SLC4A4: variants seen among roughly 807,000 people sequenced by gnomAD.
SLC4A4 encodes solute carrier family 4 member 4.
SLC4A4 carries 27 observed loss-of-function variants against 111.5 expected under a neutral mutation model. The ratio of observed to expected loss-of-function variants is 0.24; its 90% confidence interval spans 0.18 to 0.33. The LOEUF (loss-of-function observed/expected upper bound fraction) is 0.33. SLC4A4 is among the 10% of genes least tolerant of loss of function. SLC4A4 has a pLI of 1.00. For synonymous variants in SLC4A4, 443 were observed against 463.4 expected (o/e 0.96, Z 0.57); for missense variants, 909 against 1,315.5 (o/e 0.69, Z 4.78).
Position 71,447,689 on chromosome 4 carries a change from T to C in SLC4A4, c.1009T>C (p.Tyr337His), listed in dbSNP as rs1295526653. The C allele has an allele frequency of 6.2e-7, 1 of 1,613,182 alleles. No individual in the cohort carries two copies. Among genetic ancestry groups the C allele is most frequent in the Non-Finnish European group, 8.5e-7 (1 of 1,179,414 alleles). ...AGGTCCTAAGGGGAAAGCCAAGTCC[T>C]ACCACGAGATTGGCAGAGCCATTGC... The part of the protein sequence containing the change: ...LLGPKGKAKS[Y>H]HEIGRAIATL... Residue 337 changes from tyrosine to histidine, a missense_variant, in exon 9 of 26, where the codon TAC (tyrosine) becomes CAC (histidine). By Grantham distance (83) the Tyr-to-His change is moderately conservative. This residue lies in a region of SLC4A4 where 312 missense variants were observed against 402.0 expected (regional missense o/e 0.78). Transcript: ENST00000264485.
chr4:71,352,067 A>G (rs766978819), intron 5 of SLC4A4, among the ~76,000 whole-genome samples: 2 of 152,098 alleles, frequency 1.3e-5, no homozygotes, highest in South Asian at 2.1e-4. Context: ...AGAAAGAATT[A>G]TTTTCTGGGC....
At chr4:71,472,365 G>A (rs1444090692) in intron 13 of SLC4A4, among the ~76,000 whole-genome samples, 1 of 151,842 alleles carries the variant, frequency 6.6e-6, no homozygotes, top group Non-Finnish European at 1.5e-5. Flanking sequence ...ACACATTCTA[G>A]GTACCAGTGC....
At chr4:71,382,122 AT>A (rs1426119807) in intron 6 of SLC4A4, among the ~76,000 whole-genome samples, 2 of 152,030 alleles carry the variant, frequency 1.3e-5, no homozygotes, top group African/African-American at 2.4e-5. Flanking sequence ...AAGATATTTT[AT>A]TGAGACTCCT....
chr4:71,191,302 G>A (rs182544293), intron 1 of SLC4A4, among the ~76,000 whole-genome samples: 1 of 152,314 alleles, frequency 6.6e-6, no homozygotes, highest in Admixed American at 6.5e-5. Flanking sequence ...GAAACTATGT[G>A]CCTCTGTAGT....
chr4:71,449,823 G>A (rs1256917300), intron 9 of SLC4A4, among the ~76,000 whole-genome samples: 2 of 152,204 alleles, frequency 1.3e-5, no homozygotes, highest in African/African-American at 4.8e-5. Context: ...TGGTTTAGTT[G>A]TTGTCTTGCT....
chr4:71,330,587 G>A (rs1046080309), intron 3 of SLC4A4, among the ~76,000 whole-genome samples: 1 of 152,126 alleles, frequency 6.6e-6, no homozygotes, highest in African/African-American at 2.4e-5. Flanking sequence ...ATTAATTCAA[G>A]ATGGATTAAA....
chr4:71,528,504 G>A (rs1382537163), intron 16 of SLC4A4, among the ~76,000 whole-genome samples: 5 of 152,018 alleles, frequency 3.3e-5, no homozygotes, highest in Non-Finnish European at 7.4e-5. Flanking sequence ...TTGTTGAATA[G>A]AGCGAAAATT....
At chr4:71,204,685 GA>G (rs749633713) in intron 1 of SLC4A4, among the ~76,000 whole-genome samples, 27 of 151,622 alleles carry the variant, frequency 1.8e-4, no homozygotes, top group Admixed American at 3.3e-4. Context: ...ACTTTAAGTG[GA>G]AAAAAAATCA....
intron 1 of SLC4A4, among the ~76,000 whole-genome samples, chr4:71,073,570 T>C (rs1741724956): frequency 6.6e-6 from 1 of 152,162 alleles, no homozygotes; most frequent in African/African-American, 2.4e-5. Context: ...CTCCACCTAT[T>C]CTGGTTGATT....
At chr4:71,186,376 CAA>C (rs1491134361), upstream of SLC4A4, among the ~76,000 whole-genome samples, 1 of 152,170 alleles carries the variant, frequency 6.6e-6, no homozygotes, top group Non-Finnish European at 1.5e-5. Flanking sequence ...AAAGTAGAGT[CAA>C]GAGTGATCTG....
intron 7 of SLC4A4, among the ~76,000 whole-genome samples, chr4:71,421,134 G>A (rs1224446402): frequency 1.3e-5 from 2 of 151,200 alleles, no homozygotes; most frequent in African/African-American, 2.4e-5. Flanking sequence ...TAAAAGGATG[G>A]AGGAAGATCT....
chr4:71,553,557 C>T (rs10030140), intron 20 of SLC4A4, among the ~76,000 whole-genome samples: 5 of 151,796 alleles, frequency 3.3e-5, no homozygotes, highest in Non-Finnish European at 7.4e-5. Context: ...TCTCTTTTCC[C>T]TTCTTACTTT....
chr4:71,151,153 A>T (rs1443152677), intron 2 of SLC4A4, among the ~76,000 whole-genome samples: 1 of 152,214 alleles, frequency 6.6e-6, no homozygotes, highest in Non-Finnish European at 1.5e-5. Flanking sequence ...GAATATTTAG[A>T]ACATTTCCAA....
At chr4:71,355,123 C>T (rs1234319510) in intron 5 of SLC4A4, among the ~76,000 whole-genome samples, 1 of 152,180 alleles carries the variant, frequency 6.6e-6, no homozygotes, top group Non-Finnish European at 1.5e-5. Flanking sequence ...CTGGTGATTT[C>T]CAGGCATTAG....
intron 1 of SLC4A4, among the ~76,000 whole-genome samples, chr4:71,091,252 A>AT (rs1339489280): frequency 6.7e-4 from 73 of 108,392 alleles, no homozygotes; most frequent in African/African-American, 2.3e-3. Flanking sequence ...CTGGCCTTGA[A>AT]ATTTTTTTTT....
At chr4:71,137,808 G>A (rs193240841) in intron 2 of SLC4A4, among the ~76,000 whole-genome samples, 3 of 152,074 alleles carry the variant, frequency 2.0e-5, no homozygotes, top group African/African-American at 2.4e-5. Flanking sequence ...CGTTTTTTTC[G>A]TTTCTCGCTT....
At chr4:71,153,033 GTATA>G (rs35271982) in intron 2 of SLC4A4, among the ~76,000 whole-genome samples, 1 of 132,702 alleles carries the variant, frequency 7.5e-6, no homozygotes, top group Admixed American at 7.4e-5. Context: ...ATATGTGTGT[GTATA>G]TATATATATA....
intron 18 of SLC4A4, among the ~76,000 whole-genome samples, chr4:71,544,384 C>T (rs1735320710): frequency 6.6e-6 from 1 of 151,840 alleles, no homozygotes; most frequent in Admixed American, 6.6e-5. Flanking sequence ...ACATATGAGG[C>T]ATTGCAGGTG....
intron 18 of SLC4A4, among the ~76,000 whole-genome samples, chr4:71,539,317 C>G (rs972074304): frequency 2.0e-5 from 3 of 151,812 alleles, no homozygotes; most frequent in Non-Finnish European, 4.4e-5. Flanking sequence ...TATGTCAGTC[C>G]TGTGTTTTTA....
Sources: gnomAD v4.1 joint callset for allele counts (sites outside exome capture counted in the v4.1 genomes callset) on GRCh38, gnomAD v4.1.1 for gene constraint, gnomAD v4.1.1 regional missense constraint, MANE v1.5 for transcripts, NCBI Gene and HGNC (gene_info 2026-07-23, HGNC 2026-07-21) for gene names.